Variants in STK32B observed in about 807,000 individuals in gnomAD.
The protein encoded by STK32B is serine/threonine-protein kinase 32B.
STK32B carries 43 observed loss-of-function variants against 52.6 expected under a neutral mutation model. The observed-to-expected ratio is 0.82, with a 90% CI of 0.64 to 1.05. The LOEUF is 1.05. STK32B is among the 50% of genes least tolerant of loss of function. The probability of loss-of-function intolerance (pLI) is 0.00; values close to 1 mark genes in which losing one functional copy is unlikely to be tolerated. For synonymous variants in STK32B, 238 were observed against 204.3 expected, an observed-to-expected ratio of 1.17 and a Z score of -1.41; for missense variants, 621 against 534.6, an observed-to-expected ratio of 1.16 and a Z score of -1.59.
intron 6 of STK32B, among the ~76,000 whole-genome samples, chr4:5,444,422 C>T (rs942444893): frequency 1.3e-5 from 2 of 152,068 alleles, no homozygotes; most frequent in African/African-American, 2.4e-5. Flanking sequence ...TGACCCCTTG[C>T]GCTTCCCAAG....
intron 1 of STK32B, among the ~76,000 whole-genome samples, chr4:5,056,173 T>G (rs1741998954): frequency 6.6e-6 from 1 of 152,126 alleles, no homozygotes; most frequent in African/African-American, 2.4e-5. Context: ...GTGCACTCCT[T>G]ATGAGAATCT....
At chr4:5,267,518 T>C (rs948298195) in intron 3 of STK32B, among the ~76,000 whole-genome samples, 2 of 152,140 alleles carry the variant, frequency 1.3e-5, no homozygotes, top group African/African-American at 4.8e-5. Context: ...TGTGGGAAGA[T>C]GAGAGCATTC....
chr4:5,323,882 A>G (rs548153892), intron 3 of STK32B, among the ~76,000 whole-genome samples: 1 of 152,352 alleles, frequency 6.6e-6, no homozygotes, highest in African/African-American at 2.4e-5. Context: ...CATCAAGCAC[A>G]GAGTCTAGGT....
intron 3 of STK32B, among the ~76,000 whole-genome samples, chr4:5,256,821 G>A (rs192693680): frequency 1.3e-5 from 2 of 152,268 alleles, no homozygotes; most frequent in East Asian, 1.9e-4. Context: ...AAAAATGAAC[G>A]ATGTCAGGTG....
In STK32B at chr4:5,291,790, T is replaced by G. The variant is rs574064489; in HGVS notation, c.261-39430T>G. Among the ~76,000 whole-genome samples, 155 of 152,208 alleles carry G rather than the reference T, an allele frequency of 1.0e-3. 1 individual carries two copies. The highest frequency in any genetic ancestry group is 3.6e-3 in the African/African-American group (150 of 41,544). ...TCTGATGTGGTTGGGTTTGTTTTTG[T>G]TTTTTGTTTGTTTGTTTGTTTTTTC... On this transcript the variant is annotated intron_variant, in intron 3 of 11. Coordinates refer to ENST00000282908, the MANE Select transcript of STK32B (RefSeq NM_018401.3).
intron 7 of STK32B, among the ~76,000 whole-genome samples, chr4:5,447,783 T>C (rs1378199197): frequency 6.6e-6 from 1 of 152,236 alleles, no homozygotes; most frequent in African/African-American, 2.4e-5. Context: ...TTCTGTCTAT[T>C]TAGCGGAGCT....
chr4:5,492,842 T>G (rs1476542218), intron 11 of STK32B, among the ~76,000 whole-genome samples: 1 of 151,130 alleles, frequency 6.6e-6, no homozygotes, highest in Non-Finnish European at 1.5e-5. Context: ...ATCATGTGGT[T>G]TTTGTCTTTG....
chr4:5,338,827 A>G (rs1732883092), intron 4 of STK32B, among the ~76,000 whole-genome samples: 2 of 152,230 alleles, frequency 1.3e-5, no homozygotes, highest in South Asian at 2.1e-4. Flanking sequence ...TTTAAAGTCT[A>G]CTAGGCAAAT....
At chr4:5,070,914 G>C (rs1269198569) in intron 1 of STK32B, among the ~76,000 whole-genome samples, 1 of 152,144 alleles carries the variant, frequency 6.6e-6, no homozygotes, top group Non-Finnish European at 1.5e-5. Flanking sequence ...GCGTTCCTAG[G>C]CATGAAAATG....
At chr4:5,104,052 A>G (rs1713965834) in intron 1 of STK32B, among the ~76,000 whole-genome samples, 1 of 152,100 alleles carries the variant, frequency 6.6e-6, no homozygotes. Flanking sequence ...TAACAGTAAG[A>G]ATGATGTTGC....
intron 2 of STK32B, among the ~76,000 whole-genome samples, chr4:5,163,797 C>G (rs1470367738): frequency 2.0e-5 from 3 of 152,148 alleles, no homozygotes; most frequent in Non-Finnish European, 4.4e-5. Flanking sequence ...TCTGAAATTC[C>G]AAACATTAAA....
intron 3 of STK32B, among the ~76,000 whole-genome samples, chr4:5,209,392 T>C (rs971482204): frequency 6.6e-6 from 1 of 152,010 alleles, no homozygotes; most frequent in Non-Finnish European, 1.5e-5. Flanking sequence ...TGGCTAATTT[T>C]TTTGTATTTT....
intron 11 of STK32B, among the ~76,000 whole-genome samples, chr4:5,475,516 T>A (rs1311617347): frequency 6.7e-6 from 1 of 149,042 alleles, no homozygotes; most frequent in Non-Finnish European, 1.5e-5. Context: ...CTGGCCAACA[T>A]GGTGAAACCC....
intron 1 of STK32B, among the ~76,000 whole-genome samples, chr4:5,118,699 C>A (rs1361323214): frequency 1.3e-5 from 2 of 152,226 alleles, no homozygotes; most frequent in African/African-American, 4.8e-5. Context: ...CCTTTCCTCT[C>A]TGTCTTCCTG....
Position 5,462,669 on chromosome 4 carries a change from C to T in STK32B, c.909+2441C>T, listed in dbSNP as rs1209206727. 3.9e-5 allele frequency among the ~76,000 whole-genome samples: 6 copies of T among 152,318 alleles called. No homozygotes were observed. In the South Asian group the frequency reaches 1.0e-3, roughly 26 times the overall value. On this transcript the variant is annotated intron_variant, in intron 9 of 11. Transcript: ENST00000282908. ...CAGGGAGCTTACAGACAACAGTGCA[C>T]AGCCCCCACTGCGGGTCGACCTTTG...
Position 5,342,540 on chromosome 4 carries a change from G to T in STK32B, c.434+11147G>T, listed in dbSNP as rs143078907. Among the ~76,000 whole-genome samples the T allele has an allele frequency of 1.7e-3, 256 of 152,258 alleles. 3 individuals are homozygous for T. Among genetic ancestry groups the T allele is most frequent in the African/African-American group, 5.7e-3 (238 of 41,554 alleles). Reference sequence around the variant, plus strand: ...ATACACTTTTAAACAAGCAGGTCTCGTGATAATTTACTGACTATCAAAAGG... The same window carrying T: ...ATACACTTTTAAACAAGCAGGTCTCTTGATAATTTACTGACTATCAAAAGG... On this transcript the variant is annotated intron_variant, in intron 4 of 11. Transcript: ENST00000282908.
intron 3 of STK32B, among the ~76,000 whole-genome samples, chr4:5,239,886 T>C (rs1012868020): frequency 6.6e-6 from 1 of 152,130 alleles, no homozygotes; most frequent in African/African-American, 2.4e-5. Flanking sequence ...AAATGCATCA[T>C]GTACACTCTG....
At position 5,466,720 on chromosome 4, in the gene STK32B, C is replaced by T. The variant is rs537931744; in HGVS notation, c.927C>T (p.Cys309=). The change falls in exon 10 of 12, where the codon TGC becomes TGT. Residue 309 remains cysteine, a synonymous_variant. Coordinates refer to ENST00000282908, the MANE Select transcript of STK32B (RefSeq NM_018401.3). Reference sequence around the variant, plus strand: ...CCCTTTAGAAAGGGAGGTTGAACTGCGATCCCACATTTGAGCTTGAAGAGA... The same window carrying T: ...CCCTTTAGAAAGGGAGGTTGAACTGTGATCCCACATTTGAGCTTGAAGAGA... ...GFVPNKGRLN[C]DPTFELEEMI... is the part of the protein sequence containing the mutation. 8.1e-6 allele frequency: 13 copies of T among 1,613,142 alleles called. No homozygotes were observed. The highest frequency in any genetic ancestry group is 3.3e-5 in the South Asian group (3 of 90,828).
At chr4:5,146,260 T>C (rs1716907162) in intron 2 of STK32B, among the ~76,000 whole-genome samples, 1 of 152,116 alleles carries the variant, frequency 6.6e-6, no homozygotes, top group African/African-American at 2.4e-5. Flanking sequence ...AGGAAGACAG[T>C]AGTGGCTCAG....
Sources: allele counts gnomAD v4.1 joint callset (sites outside exome capture counted in the v4.1 genomes callset), GRCh38; gene constraint gnomAD v4.1.1; transcripts MANE v1.5; gene names NCBI Gene and HGNC (gene_info 2026-07-23, HGNC 2026-07-21).